The following XRCC5 variants were observed in gnomAD, a reference collection of about 807,000 sequenced individuals.
XRCC5 encodes X-ray repair cross complementing 5.
XRCC5 carries 12 observed loss-of-function variants against 95.7 expected under a neutral mutation model. That is an observed-to-expected ratio of 0.13 (90% confidence interval 0.08 to 0.20). XRCC5 has a LOEUF of 0.20. XRCC5 is among the 10% of genes least tolerant of loss of function. The pLI is 1.00. For missense variants in XRCC5, 595 were observed against 873.9 expected (o/e 0.68, Z 4.02); for synonymous variants, 281 against 290.3 (o/e 0.97, Z 0.33).
intron 16 of XRCC5, among the ~76,000 whole-genome samples, chr2:216,188,552 A>G (rs981790441): frequency 2.0e-5 from 3 of 152,206 alleles, no homozygotes; most frequent in African/African-American, 7.2e-5. Flanking sequence ...TAGAGTCTCT[A>G]GGATTATTGC....
chr2:216,151,300 G>C (rs1165517200), intron 14 of XRCC5, among the ~76,000 whole-genome samples: 3 of 152,192 alleles, frequency 2.0e-5, no homozygotes, highest in Non-Finnish European at 4.4e-5. Context: ...CCCTTGAAAT[G>C]AAAATGTCAT....
intron 13 of XRCC5, among the ~76,000 whole-genome samples, chr2:216,147,169 A>G (rs1307585232): frequency 6.6e-6 from 1 of 152,122 alleles, no homozygotes; most frequent in East Asian, 1.9e-4. Flanking sequence ...GACTAAAATG[A>G]TTTTTAAAAA....
At chr2:216,131,020 C>T in intron 9 of XRCC5, 33 bp downstream of exon 9, 6 of 1,549,510 alleles carry the variant, frequency 3.9e-6, no homozygotes, top group Non-Finnish European at 5.3e-6. Context: ...TGAGCTTTTT[C>T]CTAGCTGTTA....
At chr2:216,129,037 A>G (rs1696938266) in intron 8 of XRCC5, among the ~76,000 whole-genome samples, 1 of 152,226 alleles carries the variant, frequency 6.6e-6, no homozygotes, top group South Asian at 2.1e-4. Flanking sequence ...ACGTGGAGCC[A>G]CTTACAGTTT....
rs548162130 is a variant in XRCC5, at chr2:216,150,396, C to T, written c.1670+2120C>T. The stretch of plus-strand genomic sequence containing the variant: ...ATATTAAAGCACTTTGAGCAACTGA[C>T]ATCCTTCACTTAACGACAGGGATAC... On this transcript the variant is annotated intron_variant, in intron 14 of 20. Coordinates refer to ENST00000392132, the MANE Select transcript of XRCC5 (RefSeq NM_021141.4). Among the ~76,000 whole-genome samples the T allele has an allele frequency of 3.9e-5, 6 of 152,332 alleles. No homozygotes were observed. The East Asian group carries it at 1.2e-3, about 29-fold the overall frequency.
chr2:216,181,041 G>C (rs187790586), intron 16 of XRCC5, among the ~76,000 whole-genome samples: 1 of 151,946 alleles, frequency 6.6e-6, no homozygotes, highest in African/African-American at 2.4e-5. Context: ...TCGAACTCCC[G>C]ACCTCAGATC....
chr2:216,150,405 C>G (rs953556197), intron 14 of XRCC5, among the ~76,000 whole-genome samples: 1 of 152,180 alleles, frequency 6.6e-6, no homozygotes, highest in Non-Finnish European at 1.5e-5. Flanking sequence ...ACATCCTTCA[C>G]TTAACGACAG....
intron 16 of XRCC5, among the ~76,000 whole-genome samples, chr2:216,176,635 G>A (rs975263677): frequency 6.6e-6 from 1 of 151,978 alleles, no homozygotes; most frequent in African/African-American, 2.4e-5. Context: ...AAAGGCTTAT[G>A]GATTTTATCT....
chr2:216,136,630 T>C (rs539374130), intron 10 of XRCC5, among the ~76,000 whole-genome samples: 1 of 152,204 alleles, frequency 6.6e-6, no homozygotes, highest in South Asian at 2.1e-4. Context: ...TAGAAGGTGA[T>C]GGGTGACTTC....
chr2:216,160,027 G>T, intron 14 of XRCC5, 41 bp from the exon 15 acceptor site: 15 of 1,139,042 alleles, frequency 1.3e-5, no homozygotes, highest in South Asian at 3.2e-5. Context: ...ATCTGGTTTT[G>T]TATTGTTTGT....
chr2:216,139,128 A>C (rs1697134736), intron 12 of XRCC5, among the ~76,000 whole-genome samples: 1 of 152,154 alleles, frequency 6.6e-6, no homozygotes, highest in African/African-American at 2.4e-5. Flanking sequence ...ATAATTCCAA[A>C]ATTTAAATGA....
Position 216,190,339 on chromosome 2 carries a change from TGCTATCCTA to T in XRCC5, c.1944+8_1944+16del. The T allele has an allele frequency of 1.2e-6, 2 of 1,610,170 alleles. No homozygotes were observed. Among genetic ancestry groups the T allele is most frequent in the Non-Finnish European group, 1.7e-6 (2 of 1,176,786 alleles). Reference sequence around the variant, plus strand: ...TTCCGGGAAGAAGCCATTAAGGTAATGCTATCCTAGCATCTCTTTTCTTCCTAAACAGTT... The same window carrying T: ...TTCCGGGAAGAAGCCATTAAGGTAATGCATCTCTTTTCTTCCTAAACAGTT... On this transcript the variant is annotated splice_donor_region_variant and intron_variant, in intron 17 of 20. Transcript: ENST00000392132.
rs182079635 is a variant in XRCC5 at position 216,195,121 on chromosome 2, C to T, written c.2109+135C>T. ...TTTGTATTCAATATGTAAATTGCTT[C>T]AACCACAGCATCCCCATGGGAGAAA... On this transcript the variant is annotated intron_variant, in intron 19 of 20. Coordinates refer to ENST00000392132, the MANE Select transcript of XRCC5 (RefSeq NM_021141.4). 1.1e-4 allele frequency: 79 copies of T among 748,902 alleles called. No individual in the cohort carries two copies. In the East Asian group the frequency reaches 2.1e-3, roughly 19 times the overall value. The allele number at this position is 748,902 out of a possible 1,614,324, so 46.4% of individuals were successfully genotyped here.
At chr2:216,111,688 T>C (rs1362815370) in intron 1 of XRCC5, among the ~76,000 whole-genome samples, 1 of 152,230 alleles carries the variant, frequency 6.6e-6, no homozygotes, top group Non-Finnish European at 1.5e-5. Context: ...ATTTTCCTGG[T>C]AAGATGTTAG....
chr2:216,189,485 T>TTTTGTTTC (rs1411361702), intron 16 of XRCC5, among the ~76,000 whole-genome samples: 1 of 152,200 alleles, frequency 6.6e-6, no homozygotes, highest in African/African-American at 2.4e-5. Context: ...CTGAAGAATT[T>TTTTGTTTC]TTTGTTTCTT....
intron 16 of XRCC5, chr2:216,175,672 G>C: frequency 2.4e-6 from 1 of 416,364 alleles, no homozygotes; most frequent in Non-Finnish European, 4.6e-6. Context: ...TGGGCACCAG[G>C]CTTTACAGAA....
chr2:216,115,995 A>C (rs1044265593), intron 2 of XRCC5, among the ~76,000 whole-genome samples: 2 of 152,224 alleles, frequency 1.3e-5, no homozygotes, highest in Non-Finnish European at 2.9e-5. Context: ...TTTATATGCT[A>C]CATGTAATTC....
intron 17 of XRCC5, among the ~76,000 whole-genome samples, chr2:216,191,855 C>A (rs1015072251): frequency 6.6e-6 from 1 of 152,060 alleles, no homozygotes; most frequent in African/African-American, 2.4e-5. Flanking sequence ...TTTTAAAAGA[C>A]TATATTTTCT....
chr2:216,175,092 T>C, intron 16 of XRCC5: 1 of 314,698 alleles, frequency 3.2e-6, no homozygotes, highest in Middle Eastern at 1.3e-3. Context: ...AATTTCCTCC[T>C]TCATTGTAAC....
Sources: allele counts gnomAD v4.1 joint callset (sites outside exome capture counted in the v4.1 genomes callset), GRCh38; gene constraint gnomAD v4.1.1; transcripts MANE v1.5; gene names NCBI Gene and HGNC (gene_info 2026-07-23, HGNC 2026-07-21).